The following AATF variants were observed in gnomAD, a reference collection of about 807,000 sequenced individuals.
AATF encodes the protein apoptosis antagonizing transcription factor, also known as protein AATF.
In AATF, 48 loss-of-function variants were observed where a neutral mutation model predicts 63.7. The ratio of observed to expected loss-of-function variants is 0.75; its 90% confidence interval spans 0.60 to 0.96. AATF has a LOEUF of 0.96. AATF is among the 40% of genes least tolerant of loss of function. AATF has a pLI of 0.00. For missense variants in AATF, 639 were observed against 685.7 expected (o/e 0.93, Z 0.76); for synonymous variants, 258 against 247.7 (o/e 1.04, Z -0.39).
intron 11 of AATF, among the ~76,000 whole-genome samples, chr17:37,038,326 A>G (rs916095834): frequency 5.9e-5 from 9 of 152,200 alleles, no homozygotes; most frequent in African/African-American, 2.2e-4. Context: ...AAATGCTAGT[A>G]TGACAAGACA....
intron 11 of AATF, among the ~76,000 whole-genome samples, chr17:37,041,256 A>G (rs1482354160): frequency 6.6e-6 from 1 of 152,226 alleles, no homozygotes; most frequent in African/African-American, 2.4e-5. Context: ...CTAATAATCT[A>G]TTATGGAATA....
intron 4 of AATF, among the ~76,000 whole-genome samples, chr17:36,962,566 T>G (rs926491691): frequency 8.6e-6 from 1 of 115,816 alleles, no homozygotes; most frequent in Non-Finnish European, 1.6e-5. Flanking sequence ...TCAGAAACAA[T>G]TTTTTTTTTT....
At chr17:37,030,535 A>G (rs2142300032) in intron 10 of AATF, among the ~76,000 whole-genome samples, 1 of 152,268 alleles carries the variant, frequency 6.6e-6, no homozygotes, top group Non-Finnish European at 1.5e-5. Context: ...TTTGGTCTGT[A>G]TAAGGTCATA....
chr17:36,979,951 G>A (rs1324206408), intron 4 of AATF, among the ~76,000 whole-genome samples: 1 of 152,104 alleles, frequency 6.6e-6, no homozygotes, highest in Non-Finnish European at 1.5e-5. Flanking sequence ...CCTAATATAG[G>A]AGTCTGTGAA....
intron 8 of AATF, among the ~76,000 whole-genome samples, chr17:37,002,594 C>T (rs565444783): frequency 6.6e-6 from 1 of 151,464 alleles, no homozygotes; most frequent in Non-Finnish European, 1.5e-5. Flanking sequence ...ATGACGTGAA[C>T]CCAGGAGGCG....
At chr17:37,047,870 T>C (rs2071707329) in intron 11 of AATF, among the ~76,000 whole-genome samples, 1 of 152,186 alleles carries the variant, frequency 6.6e-6, no homozygotes, top group Non-Finnish European at 1.5e-5. Context: ...TTTTGTTGTT[T>C]TGGAACCTTG....
intron 4 of AATF, among the ~76,000 whole-genome samples, chr17:36,969,895 G>GA (rs2071025683): frequency 1.3e-5 from 2 of 152,238 alleles, no homozygotes; most frequent in South Asian, 4.2e-4. Flanking sequence ...TATATAAGTG[G>GA]AATTATACAG....
At chr17:37,053,704 T>C (rs1222546569) in intron 11 of AATF, among the ~76,000 whole-genome samples, 1 of 152,086 alleles carries the variant, frequency 6.6e-6, no homozygotes, top group East Asian at 1.9e-4. Context: ...CCGTCTCTAC[T>C]AAAAATAAAA....
Position 36,965,594 on chromosome 17 carries a change from T to C in AATF, c.832+11687T>C, listed in dbSNP as rs1031441160. Among the ~76,000 whole-genome samples the C allele has an allele frequency of 4.6e-5, 7 of 152,370 alleles. No homozygotes were observed. The East Asian group carries it at 1.3e-3, about 29-fold the overall frequency. On this transcript the variant is annotated intron_variant, in intron 4 of 11. Coordinates refer to ENST00000619387, the MANE Select transcript of AATF (RefSeq NM_012138.4). ...GCCTACTATGTGCCTTATTGTCTTC[T>C]ACCATCCCAGTGTTTTCCAGTGACA...
At chr17:36,952,386 C>G (rs1442153410) in intron 2 of AATF, among the ~76,000 whole-genome samples, 1 of 152,224 alleles carries the variant, frequency 6.6e-6, no homozygotes, top group Non-Finnish European at 1.5e-5. Flanking sequence ...TAGCCCCTGG[C>G]TCATAATGAG....
intron 4 of AATF, among the ~76,000 whole-genome samples, chr17:36,970,540 T>C (rs2071031195): frequency 8.7e-6 from 1 of 114,676 alleles, no homozygotes; most frequent in African/African-American, 2.9e-5. Context: ...CTTTCTTTTT[T>C]CTTTTTTTTT....
chr17:37,010,182 C>T (rs111699512), intron 8 of AATF, among the ~76,000 whole-genome samples: 18,372 of 152,094 alleles, frequency 0.12, 1,341 homozygotes, highest in Non-Finnish European at 0.16. Context: ...TGGCCGGGCG[C>T]GGTGGCTCAC....
chr17:37,021,916 A>G (rs988765053), intron 10 of AATF, among the ~76,000 whole-genome samples: 4 of 152,014 alleles, frequency 2.6e-5, no homozygotes, highest in Admixed American at 6.6e-5. Context: ...AAAAAGATAT[A>G]AGTGAAGGAC....
At chr17:37,038,550 G>A (rs2071611184) in intron 11 of AATF, among the ~76,000 whole-genome samples, 2 of 152,112 alleles carry the variant, frequency 1.3e-5, no homozygotes, top group Admixed American at 6.5e-5. Flanking sequence ...TCAAGGAGAG[G>A]ATATTAGATA....
chr17:36,949,227 A>C lies in AATF; in HGVS notation c.91+11A>C. Reference sequence around the variant, plus strand: ...CGGACCCCGAGGAAGGTGAGGCCGGACTGGGGCAGGCCACGTGCGGAGCGG... The same window carrying C: ...CGGACCCCGAGGAAGGTGAGGCCGGCCTGGGGCAGGCCACGTGCGGAGCGG... On this transcript the variant is annotated intron_variant, in intron 1 of 11. Transcript: ENST00000619387. 3.2e-6 allele frequency: 5 copies of C among 1,581,450 alleles called. No individual in the cohort carries two copies. The highest frequency in any genetic ancestry group is 2.3e-5 in the South Asian group (2 of 86,224).
intron 4 of AATF, among the ~76,000 whole-genome samples, chr17:36,970,541 CTT>C (rs773737841): frequency 4.8e-4 from 42 of 86,962 alleles, no homozygotes; most frequent in African/African-American, 7.7e-4. Flanking sequence ...TTTCTTTTTT[CTT>C]TTTTTTTTTT....
chr17:36,958,880 C>T (rs1348844962), intron 4 of AATF, among the ~76,000 whole-genome samples: 1 of 152,170 alleles, frequency 6.6e-6, no homozygotes, highest in African/African-American at 2.4e-5. Flanking sequence ...TGTGGTGGCT[C>T]ATGCCTGTAA....
chr17:36,950,322 C>T lies in AATF; in HGVS notation c.200C>T (p.Thr67Met), dbSNP rs775138504. The T allele has an allele frequency of 1.9e-6, 3 of 1,614,098 alleles. No individual in the cohort carries two copies. The Admixed American group carries it at 5.0e-5, about 27-fold the overall frequency. Reference protein sequence around the residue: ...RKLASASLLDTDKRYCGKTTS... With the variant: ...RKLASASLLDMDKRYCGKTTS... ...CTGGCATCAGCCTCCCTCTTGGACA[C>T]GGACAAAAGGTATTGCGGCAAAACC... Residue 67 changes from threonine to methionine, a missense_variant, in exon 2 of 12, where the codon ACG becomes ATG. Coordinates refer to ENST00000619387, the MANE Select transcript of AATF (RefSeq NM_012138.4).
intron 10 of AATF, among the ~76,000 whole-genome samples, chr17:37,026,117 A>C (rs2071509441): frequency 6.6e-6 from 1 of 152,198 alleles, no homozygotes; most frequent in African/African-American, 2.4e-5. Context: ...ACAGCATACA[A>C]ATCCACATTG....
Sources: allele counts gnomAD v4.1 joint callset (sites outside exome capture counted in the v4.1 genomes callset), GRCh38; gene constraint gnomAD v4.1.1; transcripts MANE v1.5; gene names NCBI Gene and HGNC (gene_info 2026-07-23, HGNC 2026-07-21).